SORCS2: variants seen among roughly 807,000 people sequenced by gnomAD.
SORCS2 encodes VPS10 domain-containing receptor SorCS2.
In SORCS2, 100 loss-of-function variants were observed where a neutral mutation model predicts 141.6. That is an observed-to-expected ratio of 0.71 (90% CI 0.60 to 0.83). SORCS2 has a LOEUF of 0.83. Among genes scored for constraint, SORCS2 ranks in the 40% least tolerant of loss-of-function variants. The pLI, the probability that SORCS2 is intolerant of heterozygous loss-of-function variation, is 0.00. For missense variants in SORCS2, 1,646 were observed against 1,560.2 expected, an observed-to-expected ratio of 1.05 and a Z score of -0.93; for synonymous variants, 789 against 676.9, an observed-to-expected ratio of 1.17 and a Z score of -2.57.
intron 3 of SORCS2, among the ~76,000 whole-genome samples, chr4:7,623,903 G>A (rs749758407): frequency 2.0e-5 from 3 of 152,144 alleles, no homozygotes; most frequent in Non-Finnish European, 2.9e-5. Flanking sequence ...AGAGCAGCGC[G>A]CGTCCCATAT....
chr4:7,325,978 G>A (rs1719233806), intron 1 of SORCS2, among the ~76,000 whole-genome samples: 1 of 152,172 alleles, frequency 6.6e-6, no homozygotes, highest in South Asian at 2.1e-4. Context: ...GAGGGCGTGG[G>A]AGTGAGCAGG....
chr4:7,540,799 G>A (rs1712584255), intron 3 of SORCS2, among the ~76,000 whole-genome samples: 2 of 152,216 alleles, frequency 1.3e-5, no homozygotes, highest in Admixed American at 1.3e-4. Context: ...CACCCCGGGT[G>A]TGAAGTGGGG....
At chr4:7,661,846 A>C (rs1722195005) in intron 6 of SORCS2, among the ~76,000 whole-genome samples, 1 of 152,004 alleles carries the variant, frequency 6.6e-6, no homozygotes. Context: ...CACCCCTGGC[A>C]TGTGCTAAGT....
intron 1 of SORCS2, among the ~76,000 whole-genome samples, chr4:7,219,929 A>T (rs1253124809): frequency 1.3e-5 from 2 of 152,204 alleles, no homozygotes; most frequent in Non-Finnish European, 2.9e-5. Context: ...CTCGTGTTCC[A>T]CCGTGATGAC....
At chr4:7,601,496 G>A (rs936008668) in intron 3 of SORCS2, among the ~76,000 whole-genome samples, 4 of 151,392 alleles carry the variant, frequency 2.6e-5, no homozygotes, top group African/African-American at 9.7e-5. Context: ...CTGCATGCCC[G>A]TAGTCCCAGC....
At chr4:7,628,506 G>C (rs1023789302) in intron 3 of SORCS2, among the ~76,000 whole-genome samples, 3 of 143,742 alleles carry the variant, frequency 2.1e-5, no homozygotes, top group African/African-American at 7.6e-5. Context: ...GCAAAAGAGT[G>C]AGACTCCGTC....
chr4:7,215,391 C>T (rs1421640832), intron 1 of SORCS2, among the ~76,000 whole-genome samples: 1 of 152,242 alleles, frequency 6.6e-6, no homozygotes, highest in African/African-American at 2.4e-5. Context: ...GACCTGCAGC[C>T]CGCCATGCCT....
At chr4:7,199,915 C>T (rs894081524) in intron 1 of SORCS2, among the ~76,000 whole-genome samples, 1 of 152,056 alleles carries the variant, frequency 6.6e-6, no homozygotes, top group African/African-American at 2.4e-5. Context: ...GGGTCCTTGC[C>T]TGAGGGACCG....
chr4:7,288,173 C>T (rs1309211991), intron 1 of SORCS2, among the ~76,000 whole-genome samples: 1 of 152,192 alleles, frequency 6.6e-6, no homozygotes, highest in Non-Finnish European at 1.5e-5. Flanking sequence ...CGTGCGGTGG[C>T]TCAGCCAGAA....
At chr4:7,445,534 G>A (rs62277606) in intron 2 of SORCS2, among the ~76,000 whole-genome samples, 52,838 of 151,994 alleles carry the variant, frequency 0.35, 10,589 homozygotes, top group Middle Eastern at 0.45. Context: ...TGGATGGAGC[G>A]GGGCCGAGGG....
chr4:7,193,229 CA>C lies in SORCS2; in HGVS notation c.480+104del. 1 of 1,283,072 alleles carries C rather than the reference CA, an allele frequency of 7.8e-7. No individual in the cohort carries two copies. The highest frequency in any genetic ancestry group is 9.9e-7 in the Non-Finnish European group (1 of 1,012,686). 79.5% of individuals were successfully genotyped at this position (1,283,072 alleles called of 1,614,324 possible). On this transcript the variant is annotated intron_variant, in intron 1 of 26. Transcript: ENST00000507866. The surrounding 1 kb of genome is among the most constrained non-coding windows in gnomAD (Gnocchi z 4.8). Reference sequence around the variant, plus strand: ...CACCCCAGATCCCCACTATGGTCATCAGGGGCGGGTTCTTGGCGACTTGGGC... The same window carrying C: ...CACCCCAGATCCCCACTATGGTCATCGGGGCGGGTTCTTGGCGACTTGGGC...
intron 2 of SORCS2, among the ~76,000 whole-genome samples, chr4:7,449,764 C>T (rs1266758917): frequency 2.6e-5 from 4 of 152,070 alleles, no homozygotes; most frequent in Admixed American, 6.6e-5. Flanking sequence ...TCTTTGGCCT[C>T]GGAAATCGCT....
At chr4:7,323,671 G>C (rs1719050016) in intron 1 of SORCS2, among the ~76,000 whole-genome samples, 1 of 152,092 alleles carries the variant, frequency 6.6e-6, no homozygotes, top group African/African-American at 2.4e-5. Context: ...TAGGGGTAGA[G>C]GGTGGCGTTC....
chr4:7,499,672 C>T (rs1731840416), intron 2 of SORCS2, among the ~76,000 whole-genome samples: 1 of 147,346 alleles, frequency 6.8e-6, no homozygotes, highest in Non-Finnish European at 1.5e-5. Flanking sequence ...CCTCATTTTG[C>T]CCCAGCTGAG....
chr4:7,431,975 C>T (rs1323995242), intron 2 of SORCS2: 1 of 152,280 alleles, frequency 6.6e-6, no homozygotes, highest in African/African-American at 2.4e-5. Flanking sequence ...GTGTGCGGCT[C>T]CCAGATGTGT....
chr4:7,338,195 A>ATGTTGGG (rs1560203358), intron 1 of SORCS2, among the ~76,000 whole-genome samples: 9 of 87,382 alleles, frequency 1.0e-4, no homozygotes, highest in South Asian at 3.4e-4. Flanking sequence ...TGGATGTTGG[A>ATGTTGGG]TGGATGTTGG....
At chr4:7,244,477 C>T (rs1005471522) in intron 1 of SORCS2, among the ~76,000 whole-genome samples, 12 of 152,192 alleles carry the variant, frequency 7.9e-5, no homozygotes, top group African/African-American at 2.2e-4. Flanking sequence ...GCCCCTCGGT[C>T]GCTGTTGCAT....
chr4:7,298,705 T>C (rs1717237989), intron 1 of SORCS2, among the ~76,000 whole-genome samples: 1 of 152,112 alleles, frequency 6.6e-6, no homozygotes, highest in Non-Finnish European at 1.5e-5. Context: ...ACTCCCGCCG[T>C]AGTATAGGGA....
intron 1 of SORCS2, among the ~76,000 whole-genome samples, chr4:7,384,120 C>T (rs1003233638): frequency 2.0e-5 from 3 of 152,184 alleles, no homozygotes; most frequent in South Asian, 2.1e-4. Flanking sequence ...CTCCCACAGT[C>T]CCTGCAGAGG....
Sources: allele counts gnomAD v4.1 joint callset (sites outside exome capture counted in the v4.1 genomes callset), GRCh38; gene constraint gnomAD v4.1.1; non-coding constraint Gnocchi (gnomAD v3.1); transcripts MANE v1.5; gene names NCBI Gene and HGNC (gene_info 2026-07-23, HGNC 2026-07-21).